The following NT5DC1 variants were observed in gnomAD, a reference collection of about 807,000 sequenced individuals.
The protein encoded by NT5DC1 is 5'-nucleotidase domain containing 1, also known as 5'-nucleotidase domain-containing protein 1.
A neutral mutation model predicts 59.4 loss-of-function variants in NT5DC1; 42 were observed. The observed-to-expected ratio is 0.71, with a 90% CI of 0.55 to 0.92. The LOEUF (loss-of-function observed/expected upper bound fraction) is 0.92. NT5DC1 is among the 40% of genes least tolerant of loss of function. NT5DC1 has a pLI of 0.00. For synonymous variants in NT5DC1, 172 were observed against 188.1 expected, an observed-to-expected ratio of 0.91 and a Z score of 0.70; for missense variants, 501 against 537.1, an observed-to-expected ratio of 0.93 and a Z score of 0.66.
intron 6 of NT5DC1, among the ~76,000 whole-genome samples, chr6:116,152,202 A>T (rs1385238970): frequency 6.6e-6 from 1 of 152,314 alleles, no homozygotes; most frequent in East Asian, 1.9e-4. Context: ...AAGATTTAGA[A>T]TTTGAAATGA....
At chr6:116,128,264 C>T (rs1190331448) in intron 6 of NT5DC1, among the ~76,000 whole-genome samples, 1 of 152,112 alleles carries the variant, frequency 6.6e-6, no homozygotes, top group Admixed American at 6.6e-5. Flanking sequence ...AATCTGACTG[C>T]TGTTTGCTTT....
At chr6:116,147,384 G>C (rs569000939) in intron 6 of NT5DC1, among the ~76,000 whole-genome samples, 5 of 152,102 alleles carry the variant, frequency 3.3e-5, no homozygotes, top group African/African-American at 1.2e-4. Flanking sequence ...AGAGGTTGCA[G>C]TGAACTGAGA....
In NT5DC1 at chr6:116,110,886, G is replaced by C; in HGVS notation, c.294G>C (p.Val98=). ...SHGTKMMTPE[V]LAEAYGKKEW... is the part of the protein sequence containing the mutation. ...GCACCAAGATGATGACTCCAGAGGT[G>C]CTGGCAGAGGCATATGGCAAGAAAG... Residue 98 remains valine (V), a synonymous_variant, in exon 4 of 12, where the codon GTG becomes GTC. Coordinates refer to ENST00000319550, the MANE Select transcript of NT5DC1 (RefSeq NM_152729.3). The C allele has an allele frequency of 1.2e-6, 2 of 1,614,128 alleles. No individual in the cohort carries two copies. The highest frequency in any genetic ancestry group is 1.3e-5 in the African/African-American group (1 of 75,060).
chr6:116,190,358 C>G (rs1205952724), intron 6 of NT5DC1, among the ~76,000 whole-genome samples: 1 of 151,696 alleles, frequency 6.6e-6, no homozygotes, highest in Non-Finnish European at 1.5e-5. Flanking sequence ...TTTTATATTT[C>G]TTATTTTGAA....
chr6:116,192,561 A>C (rs1781143211), intron 6 of NT5DC1, among the ~76,000 whole-genome samples: 1 of 152,092 alleles, frequency 6.6e-6, no homozygotes. Context: ...AAACTTCCTA[A>C]ACTATTTTCT....
chr6:116,211,686 A>G (rs1332482221), intron 6 of NT5DC1, among the ~76,000 whole-genome samples: 1 of 152,128 alleles, frequency 6.6e-6, no homozygotes, highest in Non-Finnish European at 1.5e-5. Flanking sequence ...AACTGTGTAC[A>G]AATTCTGTAC....
chr6:116,106,344 T>TC lies in NT5DC1; in HGVS notation c.185+9_185+10insC. 5.3e-5 allele frequency: 1 copy of TC among 18,710 alleles called. No homozygotes were observed. The highest frequency in any genetic ancestry group is 1.1e-4 in the Non-Finnish European group (1 of 9,034). 1.2% of individuals were successfully genotyped at this position (18,710 alleles called of 1,614,324 possible). On this transcript the variant is annotated intron_variant, in intron 2 of 11. Coordinates refer to ENST00000319550, the MANE Select transcript of NT5DC1 (RefSeq NM_152729.3). The stretch of plus-strand genomic sequence containing the variant: ...GAGGATTGGGATTTCTGGTAAGTTC[T>TC]TTTTTTTTTTTTTTTTTTAAGTCTG...
intron 6 of NT5DC1, among the ~76,000 whole-genome samples, chr6:116,135,814 T>G (rs1779576012): frequency 7.1e-6 from 1 of 141,196 alleles, no homozygotes; most frequent in South Asian, 2.2e-4. Context: ...TATATATTTA[T>G]GGTATACAAT....
At chr6:116,223,264 G>A (rs918488428) in intron 8 of NT5DC1, 133 bp downstream of exon 8, 1 of 528,902 alleles carries the variant, frequency 1.9e-6, no homozygotes, top group Admixed American at 3.5e-5. Context: ...ACCTATGTTT[G>A]TATTAAATTT....
intron 6 of NT5DC1, among the ~76,000 whole-genome samples, chr6:116,188,444 T>C (rs889977832): frequency 6.6e-6 from 1 of 152,016 alleles, no homozygotes; most frequent in African/African-American, 2.4e-5. Flanking sequence ...TGTCATACAG[T>C]GACATTCTAT....
chr6:116,141,601 A>G (rs75227405), intron 6 of NT5DC1, among the ~76,000 whole-genome samples: 4,443 of 152,128 alleles, frequency 0.029, 243 homozygotes, highest in African/African-American at 0.1. Flanking sequence ...TTCTAATGGA[A>G]TTAGTTGACC....
chr6:116,238,254 C>A lies in NT5DC1; in HGVS notation c.989C>A (p.Thr330Lys), dbSNP rs777618593. ...FPARHYSNWE[T>K]VLILEELRGD... ...GCTCGTCACTATAGTAATTGGGAGA[C>A]AGTCCTCATCCTGGAAGAACTCAGA... The change falls in exon 10 of 12, where the codon ACA becomes AAA. Residue 330 changes from threonine to lysine, a missense_variant. Transcript: ENST00000319550. 2 of 1,612,126 alleles carry A rather than the reference C, an allele frequency of 1.2e-6. No homozygotes were observed. Among genetic ancestry groups the A allele is most frequent in the Non-Finnish European group, 1.7e-6 (2 of 1,178,542 alleles).
At position 116,238,306 on chromosome 6, in the gene NT5DC1, G is replaced by GC; in HGVS notation, c.1043dup (p.Glu349Ter). ...GGGATGAAGGCACGAGGAGTCAGAG[G>GC]CCTGAGGAGTCAGAGCCTCTAGAGA... On this transcript the variant is annotated frameshift_variant, in exon 10 of 12. Transcript: ENST00000319550. LOFTEE classifies it high-confidence loss of function. 1 of 1,613,070 alleles carries GC rather than the reference G, an allele frequency of 6.2e-7. No homozygotes were observed. Among genetic ancestry groups the GC allele is most frequent in the Non-Finnish European group, 8.5e-7 (1 of 1,179,536 alleles).
intron 6 of NT5DC1, among the ~76,000 whole-genome samples, chr6:116,173,761 T>C (rs1305647625): frequency 2.0e-5 from 3 of 152,204 alleles, no homozygotes; most frequent in Non-Finnish European, 4.4e-5. Context: ...TATAGAGTGA[T>C]CCTGAATATC....
At chr6:116,175,333 C>G (rs1450215288) in intron 6 of NT5DC1, among the ~76,000 whole-genome samples, 3 of 152,128 alleles carry the variant, frequency 2.0e-5, no homozygotes, top group South Asian at 2.1e-4. Flanking sequence ...CATTTTTTCT[C>G]TCTAGCTACC....
rs551409452 is a variant in NT5DC1, at chr6:116,224,121, C to T, written c.802+990C>T. On this transcript the variant is annotated intron_variant, in intron 8 of 11. Transcript: ENST00000319550. ...CTGATATTTAATATACATTTCTCTACTTTCCCATGGCCACACACTATCCTG... is the reference window on the plus strand; with the variant it reads ...CTGATATTTAATATACATTTCTCTATTTTCCCATGGCCACACACTATCCTG... Among the ~76,000 whole-genome samples, 11 of 152,302 alleles carry T rather than the reference C, an allele frequency of 7.2e-5. No individual in the cohort carries two copies. In the South Asian group the frequency reaches 2.3e-3, roughly 32 times the overall value.
At position 116,242,948 on chromosome 6, in the gene NT5DC1, A is replaced by G. The variant is rs183526343; in HGVS notation, c.1253-961A>G. 5.0e-3 allele frequency among the ~76,000 whole-genome samples: 764 copies of G among 152,208 alleles called. 21 individuals are homozygous for G. The South Asian group carries it at 0.072, about 14-fold the overall frequency. ...CCTTACCACCAGCCAGAATTCCAGC[A>G]CCAGAGGAGAAAAGCTGAGGCTTAG... On this transcript the variant is annotated intron_variant, in intron 11 of 11. Transcript: ENST00000319550.
At chr6:116,227,138 C>G (rs1055199370) in intron 8 of NT5DC1, among the ~76,000 whole-genome samples, 2 of 152,046 alleles carry the variant, frequency 1.3e-5, no homozygotes, top group Non-Finnish European at 2.9e-5. Context: ...ATACCCCTAC[C>G]CCTAGCCTCA....
intron 8 of NT5DC1, among the ~76,000 whole-genome samples, chr6:116,227,551 C>T (rs1042596524): frequency 1.7e-4 from 26 of 151,808 alleles, no homozygotes; most frequent in African/African-American, 6.3e-4. Flanking sequence ...CACTTTTTTC[C>T]GTAATGGCTA....
Sources: gnomAD v4.1 joint callset for allele counts (sites outside exome capture counted in the v4.1 genomes callset) on GRCh38, gnomAD v4.1.1 for gene constraint, MANE v1.5 for transcripts, NCBI Gene and HGNC (gene_info 2026-07-23, HGNC 2026-07-21) for gene names.